The following ELOVL6 variants were observed in gnomAD, a reference collection of about 807,000 sequenced individuals.
ELOVL6 encodes the protein very long chain fatty acid elongase 6.
A neutral mutation model predicts 31.7 loss-of-function variants in ELOVL6; 8 were observed. The ratio of observed to expected loss-of-function variants is 0.25; its 90% confidence interval spans 0.15 to 0.45. The LOEUF (loss-of-function observed/expected upper bound fraction) is 0.45, where lower values mean the gene tolerates loss of function less well. Ranked by LOEUF, ELOVL6 falls within the 20% of genes least tolerant of loss-of-function variation. ELOVL6 has a pLI of 1.00. For synonymous variants in ELOVL6, 101 were observed against 117.7 expected, an observed-to-expected ratio of 0.86 and a Z score of 0.92; for missense variants, 126 against 326.4, an observed-to-expected ratio of 0.39 and a Z score of 4.73.
chr4:110,179,042 A>C (rs7683141), intron 1 of ELOVL6, among the ~76,000 whole-genome samples: 147,805 of 152,188 alleles, frequency 0.97, 71,801 homozygotes, highest in East Asian at 1. Flanking sequence ...GTCTCTGCAA[A>C]AGTATGTATT....
intron 2 of ELOVL6, among the ~76,000 whole-genome samples, chr4:110,062,375 A>G (rs1755166015): frequency 6.6e-6 from 1 of 152,182 alleles, no homozygotes; most frequent in African/African-American, 2.4e-5. Context: ...CATTGGGCCC[A>G]TGTGTCTGTG....
chr4:110,198,297 G>C lies in ELOVL6; in HGVS notation c.39C>G (p.Phe13Leu). ...CTTCATTCTCGTTGAACTGCTTTTC[G>C]AATTCATATTCTTGTAAAGTCAACA... Reference protein sequence around the residue: ...MSVLTLQEYEFEKQFNENEAI... With the variant: ...MSVLTLQEYELEKQFNENEAI... Residue 13 changes from phenylalanine to leucine, a missense_variant, in exon 1 of 4, where the codon TTC (phenylalanine) becomes TTG (leucine). Phe to Leu is a conservative substitution (Grantham distance 22). Transcript: ENST00000302274. The C allele has an allele frequency of 6.2e-7, 1 of 1,612,300 alleles. No individual in the cohort carries two copies. The highest frequency in any genetic ancestry group is 8.5e-7 in the Non-Finnish European group (1 of 1,178,386).
intron 2 of ELOVL6, 52 bp downstream of exon 2, chr4:110,105,445 T>C: frequency 6.5e-7 from 1 of 1,531,554 alleles, no homozygotes; most frequent in Non-Finnish European, 8.8e-7. Context: ...TTGCATTCTT[T>C]CAGCAAGTGA....
chr4:110,117,284 T>G (rs1757194558), intron 1 of ELOVL6, among the ~76,000 whole-genome samples: 1 of 151,942 alleles, frequency 6.6e-6, no homozygotes, highest in South Asian at 2.1e-4. Flanking sequence ...AGACAGAAAT[T>G]AAGAAAAGAG....
At chr4:110,118,519 T>C (rs982617872) in intron 1 of ELOVL6, among the ~76,000 whole-genome samples, 1 of 152,230 alleles carries the variant, frequency 6.6e-6, no homozygotes, top group Non-Finnish European at 1.5e-5. Context: ...CAATAACATT[T>C]CTTTTTATGC....
chr4:110,197,720 G>T (rs1759852356), intron 1 of ELOVL6, among the ~76,000 whole-genome samples: 1 of 152,000 alleles, frequency 6.6e-6, no homozygotes, highest in Non-Finnish European at 1.5e-5. Context: ...GGTGAAGTAG[G>T]AGCGCTGCAA....
intron 1 of ELOVL6, among the ~76,000 whole-genome samples, chr4:110,164,866 T>G (rs1758727687): frequency 6.6e-6 from 1 of 151,154 alleles, no homozygotes; most frequent in Non-Finnish European, 1.5e-5. Flanking sequence ...TGAGACAGAG[T>G]CTCACTCTGT....
intron 2 of ELOVL6, among the ~76,000 whole-genome samples, chr4:110,094,419 AT>A (rs1756508844): frequency 3.6e-5 from 2 of 54,874 alleles, no homozygotes; most frequent in African/African-American, 8.4e-5. Context: ...ATATATATAT[AT>A]ATATATATAT....
chr4:110,154,894 A>T (rs1445841533), intron 1 of ELOVL6, among the ~76,000 whole-genome samples: 1 of 152,224 alleles, frequency 6.6e-6, no homozygotes, highest in East Asian at 1.9e-4. Context: ...AGGTCAAAAC[A>T]GGGACTTTCC....
At chr4:110,056,322 A>C (rs1754986097) in intron 3 of ELOVL6, among the ~76,000 whole-genome samples, 1 of 152,182 alleles carries the variant, frequency 6.6e-6, no homozygotes, top group African/African-American at 2.4e-5. Flanking sequence ...AGATTTTCCA[A>C]CTGCAAAAAC....
chr4:110,064,791 A>T (rs1005942003), intron 2 of ELOVL6, among the ~76,000 whole-genome samples: 1 of 152,122 alleles, frequency 6.6e-6, no homozygotes, highest in African/African-American at 2.4e-5. Context: ...CCTGGCCTCG[A>T]TTGATAATGT....
chr4:110,067,300 C>T (rs961578530), intron 2 of ELOVL6, among the ~76,000 whole-genome samples: 7 of 152,190 alleles, frequency 4.6e-5, no homozygotes, highest in Non-Finnish European at 4.4e-5. Context: ...ATCTCCCCAA[C>T]ACCTTGTGGA....
At chr4:110,084,606 T>A (rs1268730801) in intron 2 of ELOVL6, among the ~76,000 whole-genome samples, 1 of 97,800 alleles carries the variant, frequency 1.0e-5, no homozygotes, top group Admixed American at 1.2e-4. Context: ...TTTTTTTTTT[T>A]TTTTTTGAGA....
Position 110,186,824 on chromosome 4 carries a change from T to A in ELOVL6, c.89+11423A>T, listed in dbSNP as rs542694839. On this transcript the variant is annotated intron_variant, in intron 1 of 3. Transcript: ENST00000302274. ...GTCTCAAAAAAAAAAAAAAAAAAAA[T>A]ATATATATATATATATATATTTATA... Among the ~76,000 whole-genome samples the A allele has an allele frequency of 9.8e-3, 900 of 91,496 alleles. 5 individuals carry two copies. The highest frequency in any genetic ancestry group is 0.041 in the South Asian group (121 of 2,970). The allele number at this position is 91,496 out of a possible 152,430, so 60.0% of individuals were successfully genotyped here. A position where few individuals can be genotyped will look rare whatever the true frequency, so the allele number is the denominator to read the frequency against.
intron 2 of ELOVL6, among the ~76,000 whole-genome samples, chr4:110,063,758 A>C (rs1454390459): frequency 2.0e-5 from 3 of 151,614 alleles, no homozygotes; most frequent in Non-Finnish European, 2.9e-5. Flanking sequence ...TTTAAAAAAA[A>C]AAAAGAAAAT....
intron 1 of ELOVL6, among the ~76,000 whole-genome samples, chr4:110,164,756 G>A (rs112564626): frequency 0.051 from 6,385 of 124,682 alleles, 358 homozygotes; most frequent in African/African-American, 0.15. Context: ...AAAAAAAAAA[G>A]AAAAAAAAAA....
chr4:110,122,864 C>T (rs189368058), intron 1 of ELOVL6, among the ~76,000 whole-genome samples: 1 of 152,328 alleles, frequency 6.6e-6, no homozygotes, highest in East Asian at 1.9e-4. Flanking sequence ...TCCCATGCAA[C>T]CTTGTCATTT....
At chr4:110,094,858 T>C (rs10005776) in intron 2 of ELOVL6, among the ~76,000 whole-genome samples, 88,950 of 151,884 alleles carry the variant, frequency 0.59, 28,301 homozygotes, top group African/African-American at 0.85. Flanking sequence ...TGACTGGAAA[T>C]GATAATCACA....
At chr4:110,189,102 AC>A (rs200294748) in intron 1 of ELOVL6, among the ~76,000 whole-genome samples, 2,336 of 150,114 alleles carry the variant, frequency 0.016, 60 homozygotes, top group African/African-American at 0.054. Context: ...ACATAGCAAG[AC>A]CCCCATCTCT....
Sources: gnomAD v4.1 joint callset for allele counts (sites outside exome capture counted in the v4.1 genomes callset) on GRCh38, gnomAD v4.1.1 for gene constraint, MANE v1.5 for transcripts, NCBI Gene and HGNC (gene_info 2026-07-23, HGNC 2026-07-21) for gene names.